RGS7BP: variants seen among roughly 807,000 people sequenced by gnomAD.
The protein encoded by RGS7BP is regulator of G protein signaling 7-binding protein.
Under a neutral mutation model 31.3 loss-of-function variants are expected in RGS7BP, and 9 were observed. That is an observed-to-expected ratio of 0.29 (90% CI 0.17 to 0.50). The LOEUF (loss-of-function observed/expected upper bound fraction) is 0.50. RGS7BP is among the 20% of genes least tolerant of loss of function. The probability of loss-of-function intolerance (pLI) is 0.98; values close to 1 mark genes in which losing one functional copy is unlikely to be tolerated. For synonymous variants in RGS7BP, 115 were observed against 120.1 expected (o/e 0.96, Z 0.28); for missense variants, 274 against 322.0 (o/e 0.85, Z 1.14).
At chr5:64,589,654 C>G (rs1580459511) in intron 3 of RGS7BP, among the ~76,000 whole-genome samples, 1 of 151,830 alleles carries the variant, frequency 6.6e-6, no homozygotes, top group African/African-American at 2.4e-5. Context: ...ACATGACAGG[C>G]CATGCACAGT....
At chr5:64,590,084 A>G (rs1385448642) in intron 3 of RGS7BP, among the ~76,000 whole-genome samples, 1 of 152,030 alleles carries the variant, frequency 6.6e-6, no homozygotes, top group Non-Finnish European at 1.5e-5. Flanking sequence ...ATTGTATTGA[A>G]TCATATTTAA....
intron 2 of RGS7BP, among the ~76,000 whole-genome samples, chr5:64,550,297 G>C (rs1741758744): frequency 1.3e-5 from 2 of 152,184 alleles, no homozygotes; most frequent in African/African-American, 2.4e-5. Flanking sequence ...GCATAGTTGA[G>C]AGCCAGGGCT....
At chr5:64,527,916 G>A (rs919903811) in intron 2 of RGS7BP, among the ~76,000 whole-genome samples, 1 of 152,000 alleles carries the variant, frequency 6.6e-6, no homozygotes, top group African/African-American at 2.4e-5. Context: ...AATATTCTGT[G>A]GTAAATACTA....
chr5:64,540,716 C>T (rs1029337413), intron 2 of RGS7BP, among the ~76,000 whole-genome samples: 3 of 152,168 alleles, frequency 2.0e-5, no homozygotes, highest in African/African-American at 7.2e-5. Flanking sequence ...ATTGGGGGAA[C>T]TCTTGTGAAG....
At position 64,506,663 on chromosome 5, in the gene RGS7BP, C is replaced by T; in HGVS notation, c.39C>T (p.Ser13=). The change falls in exon 1 of 6, where the codon AGC becomes AGT. Residue 13 remains serine, a synonymous_variant. Transcript: ENST00000334025. The surrounding 1 kb of genome is among the most constrained non-coding windows in gnomAD (Gnocchi z 4.6). ...CGAATGGGCGCAAAAAGCGCCCCAG[C>T]CGGTCCACCCGCTCCTCGATCTTCC... is the stretch of plus-strand genomic sequence containing the variant. ...SAPNGRKKRP[S]RSTRSSIFQI... is the part of the protein sequence containing the mutation. 5.0e-6 allele frequency: 8 copies of T among 1,612,386 alleles called. No individual in the cohort carries two copies. The highest frequency in any genetic ancestry group is 1.3e-5 in the African/African-American group (1 of 75,018).
chr5:64,610,057 A>C lies in RGS7BP; in HGVS notation c.*805A>C, dbSNP rs1211187279. 1 of 152,432 alleles carries C rather than the reference A, an allele frequency of 6.6e-6. No individual in the cohort carries two copies. Among genetic ancestry groups the C allele is most frequent in the Non-Finnish European group, 1.5e-5 (1 of 67,942 alleles). 9.4% of individuals were successfully genotyped at this position (152,432 alleles called of 1,614,324 possible). On this transcript the variant is annotated 3_prime_UTR_variant, in exon 6 of 6. Transcript: ENST00000334025. Reference sequence around the variant, plus strand: ...CTCAAATGTAAAATCAAATATTATTACATTTTGTTCTAATTGAAATCTGAA... The same window carrying C: ...CTCAAATGTAAAATCAAATATTATTCCATTTTGTTCTAATTGAAATCTGAA...
At chr5:64,575,441 C>A (rs929240595) in intron 2 of RGS7BP, among the ~76,000 whole-genome samples, 5 of 152,142 alleles carry the variant, frequency 3.3e-5, no homozygotes, top group Admixed American at 6.5e-5. Flanking sequence ...TCTCTTCTTG[C>A]AGGCTAGGAG....
intron 2 of RGS7BP, among the ~76,000 whole-genome samples, chr5:64,545,767 G>A (rs894079991): frequency 6.6e-6 from 1 of 152,186 alleles, no homozygotes; most frequent in Non-Finnish European, 1.5e-5. Flanking sequence ...ATGGGAATGC[G>A]ATTCATTGAG....
chr5:64,607,603 A>G (rs1053431241), intron 5 of RGS7BP, among the ~76,000 whole-genome samples: 2 of 152,050 alleles, frequency 1.3e-5, no homozygotes, highest in Non-Finnish European at 2.9e-5. Context: ...ATGGAGACCA[A>G]GGTTTTATCA....
Position 64,506,807 on chromosome 5 carries a change from C to CTT in RGS7BP, c.165+19_165+20insTT, listed in dbSNP as rs751829518. The stretch of plus-strand genomic sequence containing the variant: ...GCAAGATGGTGGGTGAAAACTGCGC[C>CTT]TCTTTTTTTTTTTTTTTAATTGAGA... On this transcript the variant is annotated intron_variant, in intron 1 of 5. Coordinates refer to ENST00000334025, the MANE Select transcript of RGS7BP (RefSeq NM_001029875.3). The surrounding 1 kb of genome is among the most constrained non-coding windows in gnomAD (Gnocchi z 4.6). The CTT allele has an allele frequency of 2.1e-5, 28 of 1,323,772 alleles. No homozygotes were observed. Among genetic ancestry groups the CTT allele is most frequent in the South Asian group, 1.0e-4 (7 of 69,232 alleles). The allele number at this position is 1,323,772 out of a possible 1,614,324, so 82.0% of individuals were successfully genotyped here. A position where few individuals can be genotyped will look rare whatever the true frequency, so the allele number is the denominator to read the frequency against.
intron 2 of RGS7BP, among the ~76,000 whole-genome samples, chr5:64,525,253 G>GAA (rs1438053556): frequency 6.6e-6 from 1 of 152,152 alleles, no homozygotes; most frequent in African/African-American, 2.4e-5. Context: ...ATAAAGGAGG[G>GAA]AGGTGTTCTT....
At position 64,563,244 on chromosome 5, in the gene RGS7BP, G is replaced by A. The variant is rs149251295; in HGVS notation, c.333-12530G>A. On this transcript the variant is annotated intron_variant, in intron 2 of 5. Transcript: ENST00000334025. ...TAATCTTTGAACGCATTTATACTTT[G>A]AGCCTGGACAATCTGGTATGGTTTC... 8.0e-4 allele frequency among the ~76,000 whole-genome samples: 121 copies of A among 152,178 alleles called. 1 individual carries two copies. The highest frequency in any genetic ancestry group is 2.6e-3 in the African/African-American group (108 of 41,534).
At chr5:64,510,887 G>C (rs1748814951) in intron 2 of RGS7BP, among the ~76,000 whole-genome samples, 2 of 152,190 alleles carry the variant, frequency 1.3e-5, no homozygotes, top group South Asian at 4.1e-4. Context: ...TATTGCTTAA[G>C]CACCAATTCT....
chr5:64,593,163 A>G lies in RGS7BP; in HGVS notation c.464-1547A>G, dbSNP rs902421546. On this transcript the variant is annotated intron_variant, in intron 3 of 5. Transcript: ENST00000334025. The stretch of plus-strand genomic sequence containing the variant: ...AAGTTTCTCATGAGTCAATGTGTGC[A>G]TGTGCTCTGGCTGAATATTCCGAGT... Among the ~76,000 whole-genome samples, 10 of 152,212 alleles carry G rather than the reference A, an allele frequency of 6.6e-5. 1 individual carries two copies. Among genetic ancestry groups the G allele is most frequent in the Admixed American group, 5.9e-4 (9 of 15,266 alleles).
intron 3 of RGS7BP, among the ~76,000 whole-genome samples, chr5:64,590,690 TG>T (rs754599089): frequency 2.9e-4 from 44 of 152,080 alleles, no homozygotes; most frequent in Non-Finnish European, 5.1e-4. Flanking sequence ...AATTCAAAAA[TG>T]TCAGTGGAAA....
intron 3 of RGS7BP, among the ~76,000 whole-genome samples, chr5:64,584,420 T>C (rs998470991): frequency 5.3e-5 from 8 of 152,260 alleles, no homozygotes; most frequent in African/African-American, 1.9e-4. Context: ...ATTCACGTGA[T>C]CCAAAAGGCA....
chr5:64,576,050 A>G, intron 3 of RGS7BP, 146 bp downstream of exon 3: 7 of 695,892 alleles, frequency 1.0e-5, no homozygotes, highest in Non-Finnish European at 1.4e-5. Context: ...TGCTATATAA[A>G]TGAATAAGAA....
chr5:64,559,630 G>C (rs1244762374), intron 2 of RGS7BP, among the ~76,000 whole-genome samples: 1 of 152,066 alleles, frequency 6.6e-6, no homozygotes, highest in East Asian at 1.9e-4. Flanking sequence ...CAGGAATAAT[G>C]GAAGGGATCA....
intron 2 of RGS7BP, among the ~76,000 whole-genome samples, chr5:64,540,787 GA>G (rs1361666270): frequency 3.3e-5 from 5 of 152,146 alleles, no homozygotes; most frequent in Non-Finnish European, 4.4e-5. Flanking sequence ...AGACACTTGT[GA>G]AAGAACAGGC....
Sources: gnomAD v4.1 joint callset for allele counts (sites outside exome capture counted in the v4.1 genomes callset) on GRCh38, gnomAD v4.1.1 for gene constraint, Gnocchi (gnomAD v3.1) non-coding constraint, MANE v1.5 for transcripts, NCBI Gene and HGNC (gene_info 2026-07-23, HGNC 2026-07-21) for gene names.